UNC13C: variants seen among roughly 807,000 people sequenced by gnomAD.
UNC13C encodes the protein unc-13 homolog C.
UNC13C carries 174 observed loss-of-function variants against 245.4 expected under a neutral mutation model. That is an observed-to-expected ratio of 0.71 (90% confidence interval 0.63 to 0.80). The LOEUF is 0.80. Among genes scored for constraint, UNC13C ranks in the 30% least tolerant of loss-of-function variants. UNC13C has a pLI of 0.00. For synonymous variants in UNC13C, 992 were observed against 895.1 expected, an observed-to-expected ratio of 1.11 and a Z score of -1.93; for missense variants, 2,829 against 2,602.9, an observed-to-expected ratio of 1.09 and a Z score of -1.89.
intron 4 of UNC13C, among the ~76,000 whole-genome samples, chr15:54,229,045 C>T (rs1236892587): frequency 6.6e-6 from 1 of 152,210 alleles, no homozygotes. Flanking sequence ...CTAGTCCCCA[C>T]TTGCTAGGGC....
At chr15:54,373,296 A>G (rs1437956822) in intron 17 of UNC13C, among the ~76,000 whole-genome samples, 1 of 152,212 alleles carries the variant, frequency 6.6e-6, no homozygotes, top group Admixed American at 6.5e-5. Flanking sequence ...CTTTGTGGCC[A>G]GTGGCACCTT....
chr15:54,590,648 C>T lies in UNC13C; in HGVS notation c.6106+22701C>T, dbSNP rs146103364. Among the ~76,000 whole-genome samples the T allele has an allele frequency of 1.5e-3, 227 of 152,268 alleles. 2 individuals carry two copies. Among genetic ancestry groups the T allele is most frequent in the Admixed American group, 2.9e-3 (44 of 15,298 alleles). On this transcript the variant is annotated intron_variant, in intron 30 of 32. Coordinates refer to ENST00000260323, the MANE Select transcript of UNC13C (RefSeq NM_001080534.3). ...GATTTGTGTACATTAATCACATATC[C>T]ACAAACTTTGCTGAATTCCTTTACC... is the stretch of plus-strand genomic sequence containing the variant.
intron 8 of UNC13C, among the ~76,000 whole-genome samples, chr15:54,262,478 A>G (rs762085163): frequency 6.6e-6 from 1 of 152,232 alleles, no homozygotes; most frequent in Admixed American, 6.5e-5. Flanking sequence ...TGCCTATCAG[A>G]TAGTTTCAAC....
intron 19 of UNC13C, among the ~76,000 whole-genome samples, chr15:54,455,173 C>CTCTCTCTCTCTCTCTA (rs1891413402): frequency 3.4e-5 from 1 of 29,304 alleles, no homozygotes; most frequent in African/African-American, 1.1e-4. Context: ...TCCTCTCTCT[C>CTCTCTCTCTCTCTCTA]TCTCTCTCTC....
chr15:54,511,709 T>A (rs940044628), intron 23 of UNC13C, 44 bp from the exon 24 acceptor site: 2 of 1,355,520 alleles, frequency 1.5e-6, no homozygotes, highest in Non-Finnish European at 2.0e-6. Flanking sequence ...AATAATTTTA[T>A]ATAAAAAGAT....
In UNC13C at chr15:54,015,811, C is replaced by A; in HGVS notation, c.2908C>A (p.Pro970Thr). The A allele has an allele frequency of 6.2e-7, 1 of 1,611,316 alleles. No homozygotes were observed. The highest frequency in any genetic ancestry group is 1.1e-5 in the South Asian group (1 of 90,622). ...VEITKPKRIR[P>T]SFKEAALRAY... ...GATCACAAAGCCAAAGAGAATTCGT[C>A]CTTCTTTCAAAGAAGCAGCTTTAAG... The change falls in exon 2 of 33, where the codon CCT becomes ACT. Residue 970 changes from proline (P) to threonine (T), a missense_variant. Transcript: ENST00000260323.
intron 29 of UNC13C, among the ~76,000 whole-genome samples, chr15:54,558,080 C>T (rs1897161398): frequency 6.6e-6 from 1 of 151,904 alleles, no homozygotes; most frequent in African/African-American, 2.4e-5. Context: ...AGAAGGGGAA[C>T]ATCACGCTCT....
Position 54,014,298 on chromosome 15 carries a change from C to A in UNC13C, c.1395C>A (p.Tyr465Ter). The A allele has an allele frequency of 6.2e-7, 1 of 1,613,924 alleles. No individual in the cohort carries two copies. The highest frequency in any genetic ancestry group is 8.5e-7 in the Non-Finnish European group (1 of 1,179,850). ...AATCTGACCTCAATAGAAACAGTTACGCTGTGCTTTCCAAGTCAGAGCTTC... is the reference window on the plus strand; with the variant it reads ...AATCTGACCTCAATAGAAACAGTTAAGCTGTGCTTTCCAAGTCAGAGCTTC... ...DLESDLNRNS[Y>*]AVLSKSELLT... The change falls in exon 2 of 33, where the codon TAC becomes TAA. Residue 465 changes from tyrosine (Y) to a stop codon, truncating the protein, a stop_gained. Coordinates refer to ENST00000260323, the MANE Select transcript of UNC13C (RefSeq NM_001080534.3). LOFTEE classifies it high-confidence loss of function.
intron 8 of UNC13C, among the ~76,000 whole-genome samples, chr15:54,255,073 T>C (rs553984528): frequency 6.6e-6 from 1 of 152,288 alleles, no homozygotes; most frequent in African/African-American, 2.4e-5. Flanking sequence ...AGTATACAGA[T>C]GGGTAGGGAG....
the UNC13C span, among the ~76,000 whole-genome samples, chr15:53,924,107 T>TGACACAGGAGTATCGCTTG: frequency 1.3e-5 from 2 of 152,064 alleles, no homozygotes; most frequent in Admixed American, 6.5e-5. Flanking sequence ...CTTGGGAGGC[T>TGACACAGGAGTATCGCTTG]GACACAGGAG....
intron 18 of UNC13C, among the ~76,000 whole-genome samples, chr15:54,403,882 C>G (rs2040239807): frequency 6.6e-6 from 1 of 151,996 alleles, no homozygotes; most frequent in Non-Finnish European, 1.5e-5. Context: ...CACTTATGAT[C>G]AACTTGCTTT....
At chr15:54,028,612 C>T (rs73415085) in intron 2 of UNC13C, among the ~76,000 whole-genome samples, 2,380 of 152,044 alleles carry the variant, frequency 0.016, 75 homozygotes, top group African/African-American at 0.055. Flanking sequence ...TTCCCAGTGC[C>T]CGCCAGTGGT....
the UNC13C span, among the ~76,000 whole-genome samples, chr15:53,962,184 T>C: frequency 2.9e-4 from 44 of 152,256 alleles, no homozygotes; most frequent in African/African-American, 1.0e-3. Flanking sequence ...TTGTTTAAAC[T>C]CTACTGCCTA....
Position 54,300,192 on chromosome 15 carries a change from A to T in UNC13C, c.4105-18A>T. The stretch of plus-strand genomic sequence containing the variant: ...ATTCTGAGGAATCACTGAACAATTA[A>T]AAACCACTTGCTTTTAGAATCTGTT... On this transcript the variant is annotated intron_variant, in intron 12 of 32. Coordinates refer to ENST00000260323, the MANE Select transcript of UNC13C (RefSeq NM_001080534.3). 6.3e-7 allele frequency: 1 copy of T among 1,588,874 alleles called. No homozygotes were observed. The highest frequency in any genetic ancestry group is 2.3e-5 in the East Asian group (1 of 44,166).
chr15:53,839,370 T>C, the UNC13C span, among the ~76,000 whole-genome samples: 1 of 152,116 alleles, frequency 6.6e-6, no homozygotes, highest in Non-Finnish European at 1.5e-5. Context: ...TTCAACCCTA[T>C]ATAGAATTAG....
At chr15:54,101,628 A>G (rs2163191) in intron 2 of UNC13C, among the ~76,000 whole-genome samples, 149,111 of 151,988 alleles carry the variant, frequency 0.98, 73,214 homozygotes, top group Middle Eastern at 1. Flanking sequence ...TTGCCCAGGC[A>G]GGAGTGCAGT....
the UNC13C span, among the ~76,000 whole-genome samples, chr15:53,951,618 A>G: frequency 1.3e-5 from 2 of 152,180 alleles, no homozygotes; most frequent in Non-Finnish European, 2.9e-5. Flanking sequence ...TTGAGAGGCT[A>G]AGCAACTTGC....
chr15:54,104,251 G>A lies in UNC13C; in HGVS notation c.2984-38767G>A, dbSNP rs567186507. Reference sequence around the variant, plus strand: ...GATGCCTGGATTCTATATCTTTTCCGGTTTATCTTTTTGTTTTCATGGAAG... The same window carrying A: ...GATGCCTGGATTCTATATCTTTTCCAGTTTATCTTTTTGTTTTCATGGAAG... On this transcript the variant is annotated intron_variant, in intron 2 of 32. Transcript: ENST00000260323. 1.8e-4 allele frequency among the ~76,000 whole-genome samples: 28 copies of A among 152,060 alleles called. No individual in the cohort carries two copies. In the East Asian group the frequency reaches 2.3e-3, roughly 13 times the overall value.
chr15:54,242,127 T>C (rs1159273646), intron 7 of UNC13C, among the ~76,000 whole-genome samples: 5 of 152,222 alleles, frequency 3.3e-5, no homozygotes, highest in Non-Finnish European at 5.9e-5. Context: ...TTCTGTGTTC[T>C]TGAACAATTT....
Sources: allele counts gnomAD v4.1 joint callset (sites outside exome capture counted in the v4.1 genomes callset), GRCh38; gene constraint gnomAD v4.1.1; transcripts MANE v1.5; gene names NCBI Gene and HGNC (gene_info 2026-07-23, HGNC 2026-07-21).